The following SLC26A7 variants were observed in gnomAD, a reference collection of about 807,000 sequenced individuals.
SLC26A7 encodes the protein solute carrier family 26 member 7.
A neutral mutation model predicts 82.5 loss-of-function variants in SLC26A7; 59 were observed. The observed-to-expected ratio is 0.72, with a 90% CI of 0.58 to 0.89. The LOEUF (loss-of-function observed/expected upper bound fraction) is 0.89. SLC26A7 is among the 40% of genes least tolerant of loss of function. SLC26A7 has a pLI of 0.00. For missense variants in SLC26A7, 820 were observed against 793.0 expected (o/e 1.03, Z -0.41); for synonymous variants, 271 against 274.3 (o/e 0.99, Z 0.12).
At chr8:91,356,898 G>A (rs1305053244) in intron 11 of SLC26A7, among the ~76,000 whole-genome samples, 7 of 152,138 alleles carry the variant, frequency 4.6e-5, no homozygotes, top group African/African-American at 1.2e-4. Context: ...AAACAACATA[G>A]GAGAGCAGGA....
chr8:91,227,488 A>G (rs980775056), intron 2 of SLC26A7, among the ~76,000 whole-genome samples: 2 of 152,194 alleles, frequency 1.3e-5, no homozygotes, highest in Non-Finnish European at 2.9e-5. Context: ...GAGTAATTCA[A>G]ATGTGGTCTC....
At chr8:91,290,284 T>C (rs1811828853) in intron 3 of SLC26A7, among the ~76,000 whole-genome samples, 1 of 152,222 alleles carries the variant, frequency 6.6e-6, no homozygotes, top group East Asian at 1.9e-4. Context: ...ATCAGTTTTC[T>C]GTTGCTGCTG....
intron 12 of SLC26A7, among the ~76,000 whole-genome samples, chr8:91,362,862 G>T (rs577969199): frequency 6.6e-6 from 1 of 152,020 alleles, no homozygotes; most frequent in Admixed American, 6.6e-5. Flanking sequence ...TCAGAAGTCA[G>T]ATTAATCTAT....
At chr8:91,348,978 G>A (rs13248522) in intron 9 of SLC26A7, among the ~76,000 whole-genome samples, 57,564 of 152,010 alleles carry the variant, frequency 0.38, 11,548 homozygotes, top group African/African-American at 0.47. Flanking sequence ...GAGTTGGCCA[G>A]TTAGGGAATG....
rs73694630 is a variant in SLC26A7 at position 91,395,562 on chromosome 8, C to T, written c.*465C>T. On this transcript the variant is annotated 3_prime_UTR_variant, in exon 19 of 19. Transcript: ENST00000276609. ...TTCACACAACTTCTCTCTGTATAGG[C>T]CTCTGAAATATCAATAAGGCTAAAT... 1,648 of 154,468 alleles carry T rather than the reference C, an allele frequency of 0.011. 22 individuals are homozygous for T. Among genetic ancestry groups the T allele is most frequent in the African/African-American group, 0.037 (1,543 of 41,530 alleles). 9.6% of individuals were successfully genotyped at this position (154,468 alleles called of 1,614,324 possible). A position where few individuals can be genotyped will look rare whatever the true frequency, so the allele number is the denominator to read the frequency against.
At chr8:91,258,145 G>T (rs562386855) in intron 2 of SLC26A7, among the ~76,000 whole-genome samples, 3 of 151,940 alleles carry the variant, frequency 2.0e-5, no homozygotes, top group Non-Finnish European at 4.4e-5. Flanking sequence ...GATTTTGGGG[G>T]GTCACAGAGC....
At chr8:91,383,842 C>T (rs1814727716) in intron 15 of SLC26A7, among the ~76,000 whole-genome samples, 2 of 152,150 alleles carry the variant, frequency 1.3e-5, no homozygotes, top group Admixed American at 1.3e-4. Context: ...TCCATTCACT[C>T]CTGCATTAAT....
Position 91,384,019 on chromosome 8 carries a change from C to T in SLC26A7, c.1676-5319C>T, listed in dbSNP as rs115408199. ...AGTTCCCACCCTTATTACTCATTTCCCAAATAAACAATGCAGGTATATTAG... is the reference window on the plus strand; with the variant it reads ...AGTTCCCACCCTTATTACTCATTTCTCAAATAAACAATGCAGGTATATTAG... On this transcript the variant is annotated intron_variant, in intron 15 of 18. Coordinates refer to ENST00000276609, the MANE Select transcript of SLC26A7 (RefSeq NM_052832.4). Among the ~76,000 whole-genome samples the T allele has an allele frequency of 2.2e-3, 338 of 152,256 alleles. 1 individual carries two copies. The highest frequency in any genetic ancestry group is 7.9e-3 in the African/African-American group (327 of 41,562).
intron 3 of SLC26A7, among the ~76,000 whole-genome samples, chr8:91,293,265 G>A (rs562823329): frequency 2.6e-5 from 4 of 152,180 alleles, no homozygotes; most frequent in Non-Finnish European, 5.9e-5. Context: ...CTATCAGGTA[G>A]AAGTAGTGGT....
At chr8:91,216,100 T>C (rs908315528) in intron 1 of SLC26A7, among the ~76,000 whole-genome samples, 11 of 152,104 alleles carry the variant, frequency 7.2e-5, no homozygotes, top group African/African-American at 2.7e-4. Flanking sequence ...GTATAAGAAA[T>C]AGAAATTATT....
chr8:91,265,323 T>C (rs990698139), intron 2 of SLC26A7, among the ~76,000 whole-genome samples: 1 of 152,132 alleles, frequency 6.6e-6, no homozygotes, highest in African/African-American at 2.4e-5. Context: ...CTCTTGGCTA[T>C]TGTGGATAGT....
rs1814557796 is a variant in SLC26A7 at position 91,377,764 on chromosome 8, T to C, written c.1675+7931T>C. Reference sequence around the variant, plus strand: ...GGGAACAGAGAAGCACCCCCACCTATGTTTTCCGTGAACTCTGAGTTCCTC... The same window carrying C: ...GGGAACAGAGAAGCACCCCCACCTACGTTTTCCGTGAACTCTGAGTTCCTC... On this transcript the variant is annotated intron_variant, in intron 15 of 18. Transcript: ENST00000276609. Among the ~76,000 whole-genome samples the C allele has an allele frequency of 3.3e-5, 5 of 152,294 alleles. No individual in the cohort carries two copies. The South Asian group carries it at 1.0e-3, about 32-fold the overall frequency.
intron 2 of SLC26A7, among the ~76,000 whole-genome samples, chr8:91,268,672 T>C (rs1811180770): frequency 6.6e-6 from 1 of 151,824 alleles, no homozygotes; most frequent in Non-Finnish European, 1.5e-5. Context: ...GCATTTAATG[T>C]TATTATTGAT....
rs1239277972 is a variant in SLC26A7, at chr8:91,295,571, G to T, written c.345G>T (p.Val115=). ...CATCCTTAATATCAGCCAACGCCGT[G>T]GAACGGATTGTCCCTCAGAACATGC... ...ALTSLISANA[V]ERIVPQNMQN... The change falls in exon 4 of 19, where the codon GTG becomes GTT. Residue 115 remains valine, a synonymous_variant. Coordinates refer to ENST00000276609, the MANE Select transcript of SLC26A7 (RefSeq NM_052832.4). 1 of 1,613,732 alleles carries T rather than the reference G, an allele frequency of 6.2e-7. No individual in the cohort carries two copies. The highest frequency in any genetic ancestry group is 1.3e-5 in the African/African-American group (1 of 74,910).
chr8:91,343,389 T>C lies in SLC26A7; in HGVS notation c.1063T>C (p.Ser355Pro). The change falls in exon 9 of 19, where the codon TCA (serine) becomes CCA (proline). Residue 355 changes from serine to proline, a missense_variant. Transcript: ENST00000276609. ...LAHGLSNIVS[S>P]FFFCIPSAAA... is the part of the protein sequence containing the mutation. The stretch of plus-strand genomic sequence containing the variant: ...CCATGGCCTCAGCAATATAGTTTCT[T>C]CATTTTTCTTCTGCATACCAAGTGC... The C allele has an allele frequency of 6.2e-7, 1 of 1,612,686 alleles. No individual in the cohort carries two copies. Among genetic ancestry groups the C allele is most frequent in the Admixed American group, 1.7e-5 (1 of 59,958 alleles).
chr8:91,219,463 G>T (rs1172130361), intron 2 of SLC26A7, among the ~76,000 whole-genome samples: 1 of 152,080 alleles, frequency 6.6e-6, no homozygotes, highest in Non-Finnish European at 1.5e-5. Context: ...ATGAGTAGAA[G>T]CCTGGAAACT....
intron 4 of SLC26A7, among the ~76,000 whole-genome samples, chr8:91,307,887 T>G (rs1812366808): frequency 1.3e-5 from 2 of 152,002 alleles, no homozygotes; most frequent in South Asian, 4.2e-4. Flanking sequence ...TTTGTAGAAA[T>G]GGGGTCTCAC....
At chr8:91,308,526 G>C (rs1812387102) in intron 4 of SLC26A7, among the ~76,000 whole-genome samples, 2 of 152,098 alleles carry the variant, frequency 1.3e-5, no homozygotes, top group South Asian at 4.1e-4. Flanking sequence ...CCTGGCTGAG[G>C]TAGTACTTGT....
At chr8:91,317,939 GAT>G (rs35028681) in intron 4 of SLC26A7, among the ~76,000 whole-genome samples, 105,555 of 140,330 alleles carry the variant, frequency 0.75, 40,115 homozygotes, top group Non-Finnish European at 0.84. Context: ...ACTATAATAA[GAT>G]ATATATATAT....
Sources: allele counts gnomAD v4.1 joint callset (sites outside exome capture counted in the v4.1 genomes callset), GRCh38; gene constraint gnomAD v4.1.1; transcripts MANE v1.5; gene names NCBI Gene and HGNC (gene_info 2026-07-23, HGNC 2026-07-21).